MYO9A: variants seen among roughly 807,000 people sequenced by gnomAD.
The protein encoded by MYO9A is unconventional myosin-IXa.
In MYO9A, 103 loss-of-function variants were observed where a neutral mutation model predicts 293.3. The ratio of observed to expected loss-of-function variants is 0.35; its 90% CI spans 0.30 to 0.41. MYO9A has a LOEUF of 0.41. Among genes scored for constraint, MYO9A ranks in the 10% least tolerant of loss-of-function variants. The pLI is 1.00. For missense variants in MYO9A, 2,685 were observed against 3,033.0 expected (o/e 0.89, Z 2.69); for synonymous variants, 1,001 against 1,035.7 (o/e 0.97, Z 0.64).
intron 2 of MYO9A, among the ~76,000 whole-genome samples, chr15:72,036,207 A>G (rs964195029): frequency 1.3e-5 from 2 of 152,208 alleles, no homozygotes; most frequent in African/African-American, 4.8e-5. Context: ...GGAAGGAAGA[A>G]CAGCAGAAAT....
At chr15:71,927,078 G>A (rs1000189504) in intron 18 of MYO9A, among the ~76,000 whole-genome samples, 4 of 152,140 alleles carry the variant, frequency 2.6e-5, no homozygotes, top group African/African-American at 9.7e-5. Flanking sequence ...CAGGCCCTCG[G>A]GGAGGGCACA....
chr15:72,099,431 A>C (rs1000705884), intron 1 of MYO9A, among the ~76,000 whole-genome samples: 12 of 145,906 alleles, frequency 8.2e-5, no homozygotes, highest in African/African-American at 2.2e-4. Context: ...CCAAAAAAAA[A>C]AAAAAAAAAA....
chr15:72,007,907 A>G lies in MYO9A; in HGVS notation c.1299T>C (p.Cys433=). The change falls in exon 8 of 42, where the codon TGT becomes TGC. Residue 433 remains cysteine, a synonymous_variant. Coordinates refer to ENST00000356056, the MANE Select transcript of MYO9A (RefSeq NM_006901.4). ...CATCCCGGTATGTCTTCTTTTTGTA[A>G]CAGATATTACCCAAATGTAGTATGG... ...LSAILHLGNI[C]YKKKTYRDDS... 1 of 1,613,256 alleles carries G rather than the reference A, an allele frequency of 6.2e-7. No individual in the cohort carries two copies. The highest frequency in any genetic ancestry group is 8.5e-7 in the Non-Finnish European group (1 of 1,179,584).
chr15:72,025,873 A>G (rs1317028140), intron 4 of MYO9A, among the ~76,000 whole-genome samples: 3 of 152,230 alleles, frequency 2.0e-5, no homozygotes, highest in Non-Finnish European at 4.4e-5. Context: ...TCAAGTCCAC[A>G]TGGAGTATCC....
intron 14 of MYO9A, among the ~76,000 whole-genome samples, chr15:71,953,464 T>C (rs575484398): frequency 1.3e-5 from 2 of 152,262 alleles, no homozygotes; most frequent in African/African-American, 2.4e-5. Context: ...AAGAATATTA[T>C]GTGTTAAAGT....
At chr15:71,847,902 A>G (rs2141216981) in intron 39 of MYO9A, among the ~76,000 whole-genome samples, 1 of 152,312 alleles carries the variant, frequency 6.6e-6, no homozygotes, top group South Asian at 2.1e-4. Context: ...ATTCTGTGCC[A>G]GGCAGATTAA....
chr15:71,998,604 T>A lies in MYO9A; in HGVS notation c.1470+1247A>T, dbSNP rs566438628. Reference sequence around the variant, plus strand: ...TTATTATTATTATTACACTTTTAAGTATTAGGGTACATGTGCACAATGTGC... The same window carrying A: ...TTATTATTATTATTACACTTTTAAGAATTAGGGTACATGTGCACAATGTGC... On this transcript the variant is annotated intron_variant, in intron 9 of 41. Transcript: ENST00000356056. Among the ~76,000 whole-genome samples the A allele has an allele frequency of 1.4e-3, 210 of 148,474 alleles. 1 individual carries two copies. Among genetic ancestry groups the A allele is most frequent in the African/African-American group, 4.6e-3 (184 of 40,340 alleles).
At chr15:72,015,902 A>C (rs2077324164) in intron 6 of MYO9A, among the ~76,000 whole-genome samples, 1 of 151,766 alleles carries the variant, frequency 6.6e-6, no homozygotes, top group Non-Finnish European at 1.5e-5. Flanking sequence ...GTTAGCCAGG[A>C]TGGTCTCAAT....
At chr15:71,989,414 T>C (rs1384367761) in intron 11 of MYO9A, among the ~76,000 whole-genome samples, 1 of 152,158 alleles carries the variant, frequency 6.6e-6, no homozygotes, top group Non-Finnish European at 1.5e-5. Flanking sequence ...GTTCCAGGAC[T>C]CCCTGTGGAT....
At position 71,826,851 on chromosome 15, in the gene MYO9A, A is replaced by C; in HGVS notation, c.7376T>G (p.Phe2459Cys). ...KLFQIYSKSP[F>C]YRAASGNEAL... is the part of the protein sequence containing the mutation. The stretch of plus-strand genomic sequence containing the variant: ...CTCATTACCTGAGGCAGCTCGGTAG[A>C]ATGGAGATTTGGAATAAATCTGAAA... The change falls in exon 42 of 42, where the codon TTC becomes TGC. Residue 2459 changes from phenylalanine (F) to cysteine (C), a missense_variant. Physicochemically the swap from Phe to Cys is radical, Grantham distance 205. Around this residue, in one of 10 missense-constraint regions of MYO9A, gnomAD observed 350 missense variants for 328.9 expected, o/e 1.06. Coordinates refer to ENST00000356056, the MANE Select transcript of MYO9A (RefSeq NM_006901.4). 5 of 1,614,162 alleles carry C rather than the reference A, an allele frequency of 3.1e-6. No homozygotes were observed. The highest frequency in any genetic ancestry group is 4.2e-6 in the Non-Finnish European group (5 of 1,180,004).
At chr15:71,867,339 G>C (rs1035538486) in intron 32 of MYO9A, among the ~76,000 whole-genome samples, 4 of 151,990 alleles carry the variant, frequency 2.6e-5, no homozygotes, top group Admixed American at 2.6e-4. Flanking sequence ...CTGAAGTGAG[G>C]AAAGTCTTAA....
chr15:72,032,171 A>G (rs896478602), intron 3 of MYO9A, among the ~76,000 whole-genome samples: 78 of 152,272 alleles, frequency 5.1e-4, no homozygotes, highest in African/African-American at 1.9e-3. Flanking sequence ...TCAGCCTCCC[A>G]AAGTGCTAGG....
At chr15:72,007,283 A>G (rs2077043256) in intron 8 of MYO9A, among the ~76,000 whole-genome samples, 1 of 152,122 alleles carries the variant, frequency 6.6e-6, no homozygotes, top group Non-Finnish European at 1.5e-5. Flanking sequence ...AGCTAAGAAA[A>G]CATGATAAAT....
At chr15:71,940,886 A>G (rs2058756183) in intron 15 of MYO9A, among the ~76,000 whole-genome samples, 1 of 152,022 alleles carries the variant, frequency 6.6e-6, no homozygotes, top group Non-Finnish European at 1.5e-5. Flanking sequence ...ACGCCATCTC[A>G]CCCCAGCCTG....
At chr15:71,902,311 A>G (rs1367781357) in intron 22 of MYO9A, among the ~76,000 whole-genome samples, 2 of 152,044 alleles carry the variant, frequency 1.3e-5, no homozygotes, top group East Asian at 3.9e-4. Flanking sequence ...GGTTATTATC[A>G]AGCAGGAGGC....
chr15:71,971,158 A>G (rs2076000138), intron 12 of MYO9A, among the ~76,000 whole-genome samples: 1 of 151,044 alleles, frequency 6.6e-6, no homozygotes, highest in South Asian at 2.1e-4. Context: ...GAGACTCCGT[A>G]TCAGAAAAAA....
chr15:71,860,306 A>G (rs1376042519), intron 33 of MYO9A, among the ~76,000 whole-genome samples: 2 of 152,230 alleles, frequency 1.3e-5, no homozygotes, highest in African/African-American at 4.8e-5. Context: ...TATGATCTCT[A>G]AAGGTTCAGA....
At chr15:71,886,409 T>C (rs2057022157) in intron 27 of MYO9A, among the ~76,000 whole-genome samples, 2 of 151,890 alleles carry the variant, frequency 1.3e-5, no homozygotes. Flanking sequence ...GCTTAGAGGG[T>C]ATGGGAAATG....
At chr15:72,019,913 C>G (rs2077452857) in intron 5 of MYO9A, among the ~76,000 whole-genome samples, 1 of 152,056 alleles carries the variant, frequency 6.6e-6, no homozygotes. Flanking sequence ...CCACACCTAG[C>G]TAATTTTTTT....
Sources: gnomAD v4.1 joint callset for allele counts (sites outside exome capture counted in the v4.1 genomes callset) on GRCh38, gnomAD v4.1.1 for gene constraint, gnomAD v4.1.1 regional missense constraint, MANE v1.5 for transcripts, NCBI Gene and HGNC (gene_info 2026-07-23, HGNC 2026-07-21) for gene names.